The following PREX2 variants were observed in gnomAD, a reference collection of about 807,000 sequenced individuals.
PREX2 encodes phosphatidylinositol-3,4,5-trisphosphate dependent Rac exchange factor 2, also known as phosphatidylinositol 3,4,5-trisphosphate-dependent Rac exchanger 2 protein.
A neutral mutation model predicts 203.2 loss-of-function variants in PREX2; 107 were observed. That is an observed-to-expected ratio of 0.53 (90% CI 0.45 to 0.62). PREX2 has a LOEUF of 0.62. Among genes scored for constraint, PREX2 ranks in the 20% least tolerant of loss-of-function variants. The probability of loss-of-function intolerance (pLI) is 0.00; values close to 1 mark genes in which losing one functional copy is unlikely to be tolerated. For synonymous variants in PREX2, 672 were observed against 663.6 expected (o/e 1.01, Z -0.19); for missense variants, 1,777 against 1,955.9 (o/e 0.91, Z 1.72).
chr8:68,115,877 G>T lies in PREX2; in HGVS notation c.3271G>T (p.Gly1091Ter). The T allele has an allele frequency of 6.2e-7, 1 of 1,613,944 alleles. No individual in the cohort carries two copies. The highest frequency in any genetic ancestry group is 8.5e-7 in the Non-Finnish European group (1 of 1,179,922). ...NSKRVCFNVA[G>*]DEQEDSGHDT... ...CAAACGGGTATGTTTTAATGTAGCA[G>T]GAGATGAACAGGAAGATTCTGGTCA... The change falls in exon 26 of 40, where the codon GGA becomes TGA. Residue 1091 changes from glycine to a stop codon, truncating the protein, a stop_gained. Transcript: ENST00000288368. LOFTEE classifies it high-confidence loss of function.
Position 68,231,871 on chromosome 8 carries a change from T to C in PREX2, c.*493T>C, listed in dbSNP as rs1813176850. ...GTTAAGGACAATATAGACTGTGTGC[T>C]ATACATTTTCAGTCCCCCATTTGCA... On this transcript the variant is annotated 3_prime_UTR_variant, in exon 40 of 40. Transcript: ENST00000288368. The C allele has an allele frequency of 6.5e-6, 1 of 154,480 alleles. No individual in the cohort carries two copies. Among genetic ancestry groups the C allele is most frequent in the South Asian group, 2.1e-4 (1 of 4,840 alleles). The allele number at this position is 154,480 out of a possible 1,614,324, so 9.6% of individuals were successfully genotyped here. A position where few individuals can be genotyped will look rare whatever the true frequency, so the allele number is the denominator to read the frequency against.
chr8:68,149,461 G>T (rs943001116), intron 34 of PREX2, among the ~76,000 whole-genome samples: 4 of 152,222 alleles, frequency 2.6e-5, no homozygotes. Context: ...AACTGCTAGA[G>T]TGTGCCAATC....
intron 34 of PREX2, among the ~76,000 whole-genome samples, chr8:68,151,415 T>A (rs907033854): frequency 4.6e-5 from 7 of 152,048 alleles, no homozygotes; most frequent in Admixed American, 6.6e-5. Context: ...GGACCCTATC[T>A]CAAAACAAAC....
chr8:68,125,927 T>G (rs955274751), intron 30 of PREX2, among the ~76,000 whole-genome samples: 3 of 152,072 alleles, frequency 2.0e-5, no homozygotes, highest in Non-Finnish European at 4.4e-5. Flanking sequence ...TTAAAACCAT[T>G]ACGAGATTCA....
intron 31 of PREX2, among the ~76,000 whole-genome samples, chr8:68,130,506 C>G (rs562796513): frequency 1.2e-4 from 19 of 152,272 alleles, no homozygotes; most frequent in Non-Finnish European, 2.1e-4. Context: ...AGACACGGTG[C>G]TAGATGCTAA....
At chr8:68,090,850 C>T in intron 20 of PREX2, 135 bp downstream of exon 20, 1 of 582,818 alleles carries the variant, frequency 1.7e-6, no homozygotes, top group Non-Finnish European at 2.8e-6. Flanking sequence ...TTATAAATCT[C>T]ATAATGATTG....
At chr8:68,018,339 T>C (rs576151339) in intron 2 of PREX2, among the ~76,000 whole-genome samples, 1 of 152,134 alleles carries the variant, frequency 6.6e-6, no homozygotes, top group South Asian at 2.1e-4. Context: ...TGGTAGCACA[T>C]GCGTGTAATC....
At chr8:68,151,409 C>T (rs1045615868) in intron 34 of PREX2, among the ~76,000 whole-genome samples, 1 of 151,978 alleles carries the variant, frequency 6.6e-6, no homozygotes, top group Non-Finnish European at 1.5e-5. Context: ...AGAGTGGGAC[C>T]CTATCTCAAA....
Position 68,093,653 on chromosome 8 carries a change from G to C in PREX2, c.2299G>C (p.Asp767His), listed in dbSNP as rs2129612340. ...TAATAGCATTGAGAGTGCTCAAGAAGACCTTCAAAAATCTCACTCCAAGCC... is the reference window on the plus strand; with the variant it reads ...TAATAGCATTGAGAGTGCTCAAGAACACCTTCAAAAATCTCACTCCAAGCC... ...VYNSIESAQE[D>H]LQKSHSKPPG... is the part of the protein sequence containing the mutation. Residue 767 changes from aspartate (D) to histidine (H), a missense_variant, in exon 21 of 40, where the codon GAC becomes CAC. Transcript: ENST00000288368. 1 of 1,611,878 alleles carries C rather than the reference G, an allele frequency of 6.2e-7. No homozygotes were observed. Among genetic ancestry groups the C allele is most frequent in the South Asian group, 1.1e-5 (1 of 90,980 alleles).
chr8:68,179,333 G>C (rs2129614402), intron 35 of PREX2, among the ~76,000 whole-genome samples: 1 of 151,934 alleles, frequency 6.6e-6, no homozygotes, highest in East Asian at 1.9e-4. Flanking sequence ...GACATAGGTT[G>C]GGATTTTTTT....
chr8:68,060,750 C>G lies in PREX2; in HGVS notation c.1310C>G (p.Ala437Gly), dbSNP rs1244600028. 1 of 1,610,524 alleles carries G rather than the reference C, an allele frequency of 6.2e-7. No homozygotes were observed. The highest frequency in any genetic ancestry group is 2.2e-5 in the East Asian group (1 of 44,748). ...RPEEGVHLGQ[A>G]LLENGIIHHV... ...GAGGAAGGCGTGCACTTGGGACAAG[C>G]ATTATTAGAAAATGGAATCATTCAC... The change falls in exon 11 of 40, where the codon GCA (alanine) becomes GGA (glycine). Residue 437 changes from alanine (A) to glycine (G), a missense_variant. Physicochemically the swap from Ala to Gly is moderately conservative, Grantham distance 60 (BLOSUM62 0). Transcript: ENST00000288368.
chr8:68,030,651 G>A lies in PREX2; in HGVS notation c.698G>A (p.Gly233Asp), dbSNP rs1358803402. 1.9e-6 allele frequency: 3 copies of A among 1,613,474 alleles called. No homozygotes were observed. Among genetic ancestry groups the A allele is most frequent in the South Asian group, 2.2e-5 (2 of 91,054 alleles). The change falls in exon 6 of 40, where the codon GGC (glycine) becomes GAC (aspartate). Residue 233 changes from glycine to aspartate, a missense_variant. Gly to Asp is a moderately conservative substitution (Grantham distance 94). Coordinates refer to ENST00000288368, the MANE Select transcript of PREX2 (RefSeq NM_024870.4). ...GAGGAATGGCAGTCTCACATTGAAGGCTGGGAGGTACATTCACTTTGCTTG... is the reference window on the plus strand; with the variant it reads ...GAGGAATGGCAGTCTCACATTGAAGACTGGGAGGTACATTCACTTTGCTTG... ...VLEEWQSHIE[G>D]WEGSNITDTC...
chr8:68,134,057 A>G lies in PREX2; in HGVS notation c.3767-2A>G. The G allele has an allele frequency of 6.2e-7, 1 of 1,612,970 alleles. No homozygotes were observed. Among genetic ancestry groups the G allele is most frequent in the Non-Finnish European group, 8.5e-7 (1 of 1,178,980 alleles). On this transcript the variant is annotated splice_acceptor_variant, in intron 31 of 39. Coordinates refer to ENST00000288368, the MANE Select transcript of PREX2 (RefSeq NM_024870.4). LOFTEE classifies it high-confidence loss of function. ...CATTCTCTATGTTCTCTTTGATCAC[A>G]GATAGTGAGACACAGCTCCGTAGAG...
intron 30 of PREX2, among the ~76,000 whole-genome samples, chr8:68,124,799 G>T (rs545152691): frequency 8.6e-4 from 131 of 152,170 alleles, no homozygotes; most frequent in African/African-American, 3.1e-3. Flanking sequence ...TATACATACT[G>T]ATTGATGGAT....
intron 7 of PREX2, among the ~76,000 whole-genome samples, chr8:68,043,908 T>C (rs1808266618): frequency 6.6e-6 from 1 of 152,016 alleles, no homozygotes; most frequent in Non-Finnish European, 1.5e-5. Flanking sequence ...TTTTGGGTAT[T>C]TTAGAAATAA....
intron 1 of PREX2, among the ~76,000 whole-genome samples, chr8:67,981,800 G>A (rs540079532): frequency 6.6e-6 from 1 of 152,326 alleles, no homozygotes; most frequent in Admixed American, 6.5e-5. Context: ...AAGCCAGTGA[G>A]CCCTGGGCAT....
chr8:68,136,012 T>A (rs1476626133), intron 32 of PREX2, among the ~76,000 whole-genome samples: 1 of 152,182 alleles, frequency 6.6e-6, no homozygotes, highest in African/African-American at 2.4e-5. Context: ...TATGGTGAAA[T>A]GTACTAACTA....
chr8:68,164,885 C>CATT (rs1563571718), intron 35 of PREX2, among the ~76,000 whole-genome samples: 2 of 59,766 alleles, frequency 3.3e-5, no homozygotes, highest in African/African-American at 9.3e-5. Context: ...CCCGGCCAAA[C>CATT]CTTTTTTTTT....
At chr8:68,067,379 G>T (rs1766638978) in intron 11 of PREX2, among the ~76,000 whole-genome samples, 1 of 151,702 alleles carries the variant, frequency 6.6e-6, no homozygotes, top group African/African-American at 2.4e-5. Context: ...ATTTATTTGT[G>T]TTTTCTTTAA....
Sources: allele counts gnomAD v4.1 joint callset (sites outside exome capture counted in the v4.1 genomes callset), GRCh38; gene constraint gnomAD v4.1.1; transcripts MANE v1.5; gene names NCBI Gene and HGNC (gene_info 2026-07-23, HGNC 2026-07-21).